The following WDPCP variants were observed in gnomAD, a reference collection of about 807,000 sequenced individuals.
WDPCP encodes WD repeat-containing and planar cell polarity effector protein fritz homolog.
In WDPCP, 71 loss-of-function variants were observed where a neutral mutation model predicts 93.1. That is an observed-to-expected ratio of 0.76 (90% CI 0.63 to 0.93). The LOEUF (loss-of-function observed/expected upper bound fraction) is 0.93, where lower values mean the gene tolerates loss of function less well. WDPCP is among the 40% of genes least tolerant of loss of function. WDPCP has a pLI of 0.00. For missense variants in WDPCP, 844 were observed against 887.4 expected (o/e 0.95, Z 0.62); for synonymous variants, 315 against 315.0 (o/e 1.00, Z 0.00).
At position 63,419,509 on chromosome 2, in the gene WDPCP, T is replaced by A. The variant is rs191218504; in HGVS notation, c.825+14236A>T. 3.9e-5 allele frequency among the ~76,000 whole-genome samples: 6 copies of A among 152,286 alleles called. No homozygotes were observed. The East Asian group carries it at 1.2e-3, about 29-fold the overall frequency. On this transcript the variant is annotated intron_variant, in intron 9 of 17. Transcript: ENST00000272321. ...AGTCATACATTGTCTTATTTAAGGT[T>A]GAAACCTGCTGAAAAATGCATCACT...
chr2:63,193,206 A>T (rs911109494), intron 14 of WDPCP, among the ~76,000 whole-genome samples: 1 of 152,184 alleles, frequency 6.6e-6, no homozygotes, highest in East Asian at 1.9e-4. Flanking sequence ...CTTGGAAACA[A>T]TTTACGGAAC....
chr2:63,404,339 A>T lies in WDPCP; in HGVS notation c.1144T>A (p.Leu382Ile), dbSNP rs932586698. ...LLAQTELLPS[L>I]ISCHPSGAIL... ...GCACCACTTGGGTGGCAGCTTATTA[A>T]TGAAGGCAAAAGTTCAGTCTGTGCT... Residue 382 changes from leucine to isoleucine, a missense_variant, in exon 10 of 18, where the codon TTA becomes ATA. Leu to Ile is a conservative substitution (Grantham distance 5). Transcript: ENST00000272321. The T allele has an allele frequency of 8.1e-6, 13 of 1,614,042 alleles. No homozygotes were observed. Among genetic ancestry groups the T allele is most frequent in the African/African-American group, 1.3e-5 (1 of 74,938 alleles).
intron 2 of WDPCP, among the ~76,000 whole-genome samples, chr2:63,702,489 T>A (rs1461335185): frequency 6.6e-6 from 1 of 152,178 alleles, no homozygotes; most frequent in Non-Finnish European, 1.5e-5. Flanking sequence ...CCCTGACATA[T>A]TTAAGCCTAC....
At chr2:63,509,126 A>G (rs959678816) in intron 1 of WDPCP, among the ~76,000 whole-genome samples, 2 of 152,216 alleles carry the variant, frequency 1.3e-5, no homozygotes, top group Non-Finnish European at 2.9e-5. Context: ...TCAACAGAAT[A>G]CACATTCTTC....
chr2:63,820,995 T>C (rs1397202953), intron 1 of WDPCP, among the ~76,000 whole-genome samples: 3 of 152,204 alleles, frequency 2.0e-5, no homozygotes, highest in East Asian at 1.9e-4. Flanking sequence ...AAAATCTACA[T>C]AGTCAATATT....
chr2:63,194,200 AAAT>A (rs1200914289), intron 14 of WDPCP, among the ~76,000 whole-genome samples: 1 of 152,180 alleles, frequency 6.6e-6, no homozygotes, highest in East Asian at 1.9e-4. Flanking sequence ...CTCTTAAAGA[AAAT>A]AATATTTTTC....
chr2:63,752,133 G>T, intron 2 of WDPCP: 1 of 612,410 alleles, frequency 1.6e-6, no homozygotes, highest in Non-Finnish European at 3.0e-6. Context: ...TCACACGACG[G>T]TATTTCTGAA....
At chr2:63,373,012 AC>A (rs1691532642) in intron 12 of WDPCP, among the ~76,000 whole-genome samples, 1 of 151,980 alleles carries the variant, frequency 6.6e-6, no homozygotes, top group Non-Finnish European at 1.5e-5. Flanking sequence ...AATCCTAGCT[AC>A]CTCGGAGGAT....
At chr2:63,794,961 T>C (rs1345281987) in intron 2 of WDPCP, among the ~76,000 whole-genome samples, 1 of 152,214 alleles carries the variant, frequency 6.6e-6, no homozygotes, top group Non-Finnish European at 1.5e-5. Context: ...GAACCTTGTG[T>C]AGCCAAGAGA....
intron 14 of WDPCP, among the ~76,000 whole-genome samples, chr2:63,216,729 A>T (rs980877711): frequency 6.6e-6 from 1 of 152,082 alleles, no homozygotes; most frequent in Non-Finnish European, 1.5e-5. Context: ...AAACTAAAAA[A>T]AAATAAATAA....
intron 2 of WDPCP, among the ~76,000 whole-genome samples, chr2:63,664,512 C>T (rs1710262698): frequency 6.6e-6 from 1 of 152,188 alleles, no homozygotes; most frequent in African/African-American, 2.4e-5. Flanking sequence ...CTTCTTTCTG[C>T]ACCGGCTCCC....
intron 6 of WDPCP, among the ~76,000 whole-genome samples, chr2:63,444,707 C>T (rs1318212558): frequency 6.6e-6 from 1 of 152,146 alleles, no homozygotes; most frequent in Non-Finnish European, 1.5e-5. Context: ...GCAGGATGAA[C>T]CAACGAGAAG....
At chr2:63,370,160 T>C (rs777099659) in intron 12 of WDPCP, among the ~76,000 whole-genome samples, 10 of 152,204 alleles carry the variant, frequency 6.6e-5, no homozygotes, top group Non-Finnish European at 1.5e-5. Context: ...ATTGCCATTA[T>C]GGTAAAGGAA....
intron 13 of WDPCP, among the ~76,000 whole-genome samples, chr2:63,273,833 A>ATG (rs1423420086): frequency 1.1e-4 from 16 of 151,542 alleles, no homozygotes; most frequent in African/African-American, 2.4e-4. Flanking sequence ...ACACGCACAC[A>ATG]CACACACACA....
At chr2:63,343,861 T>C (rs1030966333) in intron 12 of WDPCP, among the ~76,000 whole-genome samples, 1 of 152,156 alleles carries the variant, frequency 6.6e-6, no homozygotes, top group African/African-American at 2.4e-5. Flanking sequence ...TTCTATTTGG[T>C]TCATTTTTAT....
intron 2 of WDPCP, among the ~76,000 whole-genome samples, chr2:63,782,776 G>GTT (rs1491379042): frequency 7.2e-6 from 1 of 138,068 alleles, no homozygotes; most frequent in Non-Finnish European, 1.6e-5. Context: ...GTGTGTGTGT[G>GTT]TTTGTGTGTT....
chr2:63,607,754 C>T (rs1709566835), intron 3 of WDPCP, among the ~76,000 whole-genome samples: 2 of 146,058 alleles, frequency 1.4e-5, no homozygotes, highest in South Asian at 2.2e-4. Context: ...GGCGTGAACC[C>T]GGGAGGCGGA....
chr2:63,386,839 C>T (rs980201058), intron 10 of WDPCP, among the ~76,000 whole-genome samples: 5 of 151,810 alleles, frequency 3.3e-5, no homozygotes, highest in African/African-American at 4.8e-5. Flanking sequence ...AAAAAAAAAC[C>T]CTCAGAGGAT....
At chr2:63,721,892 G>A (rs1391034099) in intron 2 of WDPCP, among the ~76,000 whole-genome samples, 4 of 152,118 alleles carry the variant, frequency 2.6e-5, no homozygotes, top group East Asian at 1.9e-4. Context: ...GGCTCGCGCC[G>A]CCACGCCTGA....
Sources: gnomAD v4.1 joint callset for allele counts (sites outside exome capture counted in the v4.1 genomes callset) on GRCh38, gnomAD v4.1.1 for gene constraint, MANE v1.5 for transcripts, NCBI Gene and HGNC (gene_info 2026-07-23, HGNC 2026-07-21) for gene names.